The following ULK2 variants were observed in gnomAD, a reference collection of about 807,000 sequenced individuals.
ULK2 encodes the protein serine/threonine-protein kinase ULK2.
In ULK2, 76 loss-of-function variants were observed where a neutral mutation model predicts 127.5. The ratio of observed to expected loss-of-function variants is 0.60; its 90% CI spans 0.50 to 0.72. The LOEUF (loss-of-function observed/expected upper bound fraction) is 0.72, where lower values mean the gene tolerates loss of function less well. ULK2 is among the 30% of genes least tolerant of loss of function. The pLI, the probability that ULK2 is intolerant of heterozygous loss-of-function variation, is 0.00. For missense variants in ULK2, 1,144 were observed against 1,295.9 expected (o/e 0.88, Z 1.80); for synonymous variants, 452 against 461.9 (o/e 0.98, Z 0.28).
chr17:19,780,098 T>A (rs1235120184), intron 25 of ULK2, among the ~76,000 whole-genome samples: 2 of 150,398 alleles, frequency 1.3e-5, no homozygotes, highest in African/African-American at 2.5e-5. Context: ...CACTTGAATC[T>A]GGGAAGCAGA....
At chr17:19,860,521 C>A (rs890407112) in intron 3 of ULK2, among the ~76,000 whole-genome samples, 2 of 151,156 alleles carry the variant, frequency 1.3e-5, no homozygotes, top group Non-Finnish European at 2.9e-5. Flanking sequence ...TTGATTAATA[C>A]CTCTTTTTTT....
chr17:19,822,661 C>T (rs1470357559), intron 12 of ULK2, among the ~76,000 whole-genome samples: 1 of 151,416 alleles, frequency 6.6e-6, no homozygotes, highest in East Asian at 1.9e-4. Context: ...AACCACCACA[C>T]CCGGCCCGTT....
chr17:19,844,919 G>A (rs1014606739), intron 7 of ULK2, among the ~76,000 whole-genome samples: 29 of 152,136 alleles, frequency 1.9e-4, no homozygotes, highest in African/African-American at 6.3e-4. Context: ...ATCCTGTCAC[G>A]AGAGTTAACA....
chr17:19,795,525 T>C (rs2087250057), intron 20 of ULK2, 97 bp downstream of exon 20: 2 of 1,014,364 alleles, frequency 2.0e-6, no homozygotes, highest in Non-Finnish European at 1.6e-6. Context: ...TGTTGTTTTA[T>C]GCCACCAAGC....
intron 20 of ULK2, among the ~76,000 whole-genome samples, chr17:19,791,051 T>A (rs2087141408): frequency 2.0e-5 from 3 of 152,080 alleles, no homozygotes; most frequent in Admixed American, 6.5e-5. Context: ...CCCAATACAA[T>A]AGCTGGAAAC....
At chr17:19,790,725 A>T (rs531834468) in intron 20 of ULK2, among the ~76,000 whole-genome samples, 1 of 152,346 alleles carries the variant, frequency 6.6e-6, no homozygotes, top group Admixed American at 6.5e-5. Context: ...GGCTGAATGG[A>T]TTAAAAAAAT....
intron 3 of ULK2, among the ~76,000 whole-genome samples, chr17:19,863,484 C>T (rs888459238): frequency 2.7e-5 from 4 of 149,932 alleles, no homozygotes; most frequent in Non-Finnish European, 4.4e-5. Flanking sequence ...ACACTAGCTA[C>T]ATGTGATTCT....
At chr17:19,847,434 C>A (rs911977453) in intron 5 of ULK2, among the ~76,000 whole-genome samples, 1 of 152,148 alleles carries the variant, frequency 6.6e-6, no homozygotes, top group African/African-American at 2.4e-5. Flanking sequence ...ATCTCCCACA[C>A]CCCCGTCCCA....
intron 10 of ULK2, 106 bp downstream of exon 10, chr17:19,838,395 G>T: frequency 9.9e-7 from 1 of 1,009,222 alleles, no homozygotes; most frequent in East Asian, 2.7e-5. Context: ...TAAACAAAAA[G>T]AAAAGTGAAA....
chr17:19,815,391 T>A (rs757597865), intron 13 of ULK2, among the ~76,000 whole-genome samples: 1 of 152,050 alleles, frequency 6.6e-6, no homozygotes, highest in African/African-American at 2.4e-5. Flanking sequence ...TCAACGATTC[T>A]CCAGCCTCAG....
At chr17:19,778,367 T>TCTAA (rs2086851508) in intron 25 of ULK2, among the ~76,000 whole-genome samples, 2 of 152,052 alleles carry the variant, frequency 1.3e-5, no homozygotes, top group African/African-American at 4.8e-5. Flanking sequence ...AAGGAGAAGA[T>TCTAA]GATTAGGGGA....
chr17:19,838,634 A>C, intron 9 of ULK2, 51 bp from the exon 10 acceptor site: 1 of 1,507,302 alleles, frequency 6.6e-7, no homozygotes, highest in Non-Finnish European at 9.1e-7. Context: ...TATATACATA[A>C]ACATTAACTT....
chr17:19,861,143 G>A (rs903323607), intron 3 of ULK2: 3 of 151,334 alleles, frequency 2.0e-5, no homozygotes, highest in Non-Finnish European at 4.4e-5. Flanking sequence ...CAGTCACCCT[G>A]AAATTCCTGA....
At chr17:19,824,740 G>A (rs1399369069) in intron 12 of ULK2, among the ~76,000 whole-genome samples, 1 of 152,090 alleles carries the variant, frequency 6.6e-6, no homozygotes, top group Non-Finnish European at 1.5e-5. Flanking sequence ...CATGTCTACG[G>A]CATTCAGATC....
chr17:19,799,405 ATTCTG>A, intron 17 of ULK2, 85 bp downstream of exon 17: 2 of 1,150,006 alleles, frequency 1.7e-6, no homozygotes, highest in South Asian at 4.0e-5. Flanking sequence ...TTTCATATCA[ATTCTG>A]TTCTTTGATA....
intron 24 of ULK2, 72 bp downstream of exon 24, chr17:19,780,914 T>A (rs967916954): frequency 9.5e-6 from 13 of 1,366,334 alleles, no homozygotes; most frequent in Admixed American, 3.5e-5. Flanking sequence ...CATCAGACAC[T>A]CTCTCACAGT....
intron 22 of ULK2, among the ~76,000 whole-genome samples, chr17:19,783,263 C>A (rs560850533): frequency 5.3e-5 from 8 of 152,034 alleles, no homozygotes; most frequent in African/African-American, 1.9e-4. Flanking sequence ...CCCGCCTGGC[C>A]AACATGGTGA....
intron 3 of ULK2, among the ~76,000 whole-genome samples, chr17:19,857,023 T>A (rs908757709): frequency 6.9e-6 from 1 of 144,256 alleles, no homozygotes; most frequent in African/African-American, 2.6e-5. Context: ...AAATTTTTTA[T>A]AGCCAGGCAC....
chr17:19,857,109 C>A (rs1391441668), intron 3 of ULK2, among the ~76,000 whole-genome samples: 4 of 151,510 alleles, frequency 2.6e-5, no homozygotes, highest in African/African-American at 9.7e-5. Flanking sequence ...AGTTCGAGAC[C>A]AGGCTGGCCA....
Sources: allele counts gnomAD v4.1 joint callset (sites outside exome capture counted in the v4.1 genomes callset), GRCh38; gene constraint gnomAD v4.1.1; transcripts MANE v1.5; gene names NCBI Gene and HGNC (gene_info 2026-07-23, HGNC 2026-07-21).